Variants in AVEN observed in about 807,000 individuals in gnomAD.
AVEN encodes cell death regulator Aven.
Under a neutral mutation model 38.1 loss-of-function variants are expected in AVEN, and 41 were observed. That is an observed-to-expected ratio of 1.08 (90% CI 0.84 to 1.40). The LOEUF (loss-of-function observed/expected upper bound fraction) is 1.40. AVEN is among the 40% of genes most tolerant of loss of function. AVEN has a pLI of 0.00. For synonymous variants in AVEN, 206 were observed against 171.8 expected (o/e 1.20, Z -1.56); for missense variants, 605 against 438.8 (o/e 1.38, Z -3.38).
chr15:33,895,182 T>A (rs1303973450), intron 2 of AVEN, among the ~76,000 whole-genome samples: 1 of 152,188 alleles, frequency 6.6e-6, no homozygotes, highest in Non-Finnish European at 1.5e-5. Flanking sequence ...GACAATGTAT[T>A]TTTTAAATCA....
chr15:33,866,786 AT>A (rs1890573381), intron 5 of AVEN, 58 bp from the exon 6 acceptor site: 2 of 1,220,194 alleles, frequency 1.6e-6, no homozygotes, highest in Admixed American at 3.7e-5. Flanking sequence ...TGAAGGTATA[AT>A]TCAGCCCAAT....
At chr15:33,871,889 T>C (rs1359423595) in intron 3 of AVEN, among the ~76,000 whole-genome samples, 1 of 152,168 alleles carries the variant, frequency 6.6e-6, no homozygotes, top group Non-Finnish European at 1.5e-5. Context: ...CTGCAGTGAA[T>C]TGCTTTTAAT....
At chr15:33,862,427 G>A (rs926058140), downstream of AVEN, among the ~76,000 whole-genome samples, 3 of 151,506 alleles carry the variant, frequency 2.0e-5, no homozygotes, top group African/African-American at 4.9e-5. Context: ...GGCTGATCTC[G>A]AACTCCTGAG....
intron 5 of AVEN, among the ~76,000 whole-genome samples, chr15:34,059,103 G>A (rs1473915504): frequency 1.3e-5 from 2 of 149,378 alleles, no homozygotes; most frequent in South Asian, 2.2e-4. Flanking sequence ...CATCATGTTG[G>A]CCAGGCTGGT....
downstream of AVEN, chr15:33,865,425 C>T (rs1890176367): frequency 7.7e-6 from 4 of 516,544 alleles, no homozygotes; most frequent in Non-Finnish European, 1.4e-5. Flanking sequence ...GGGAGAGAAC[C>T]TGTCAAAATG....
At chr15:33,982,782 A>C (rs1896211069) in intron 2 of AVEN, among the ~76,000 whole-genome samples, 1 of 143,688 alleles carries the variant, frequency 7.0e-6, no homozygotes, top group Admixed American at 6.7e-5. Context: ...ATGAATCGAA[A>C]AACACATCAA....
intron 2 of AVEN, among the ~76,000 whole-genome samples, chr15:34,068,358 A>C (rs1314672711): frequency 6.6e-6 from 1 of 151,546 alleles, no homozygotes; most frequent in Admixed American, 6.6e-5. Flanking sequence ...GACGCACGCC[A>C]CCACGCCAGG....
At chr15:33,933,510 CACACACACACACACAGAGAGAGAGAGAG>C (rs1893931411) in intron 2 of AVEN, among the ~76,000 whole-genome samples, 1 of 119,152 alleles carries the variant, frequency 8.4e-6, no homozygotes, top group Non-Finnish European at 1.8e-5. Context: ...CACACACACA[CACACACACACACACAGAGAGAGAGAGAG>C]AGAGAGAGAG....
At chr15:34,023,737 T>C (rs981467965) in intron 1 of AVEN, among the ~76,000 whole-genome samples, 11 of 152,166 alleles carry the variant, frequency 7.2e-5, no homozygotes, top group African/African-American at 2.7e-4. Context: ...AGCAGTTAAA[T>C]ATTAAAAGTA....
intron 2 of AVEN, among the ~76,000 whole-genome samples, chr15:33,899,530 C>T (rs903660827): frequency 9.2e-5 from 12 of 130,602 alleles, no homozygotes; most frequent in African/African-American, 2.7e-4. Flanking sequence ...AGTGCAGTGG[C>T]GCCATCTCAG....
intron 2 of AVEN, among the ~76,000 whole-genome samples, chr15:33,943,118 C>A (rs8042756): frequency 0.3 from 45,267 of 152,018 alleles, 6,950 homozygotes; most frequent in Middle Eastern, 0.39. Flanking sequence ...GATATTTATC[C>A]AAAAGAGTTG....
chr15:33,917,552 ATGTG>A lies in AVEN; in HGVS notation c.446-41561_446-41558del, dbSNP rs1384485029. 4.6e-3 allele frequency among the ~76,000 whole-genome samples: 501 copies of A among 108,336 alleles called. 3 individuals are homozygous for A. The highest frequency in any genetic ancestry group is 0.014 in the African/African-American group (481 of 35,436). 71.1% of individuals were successfully genotyped at this position (108,336 alleles called of 152,430 possible). Reference sequence around the variant, plus strand: ...ATATATATATATATATCAATCACACATGTGTATGTATACACACACACACACACAA... The same window carrying A: ...ATATATATATATATATCAATCACACATATGTATACACACACACACACACAA... On this transcript the variant is annotated intron_variant, in intron 2 of 5. Transcript: ENST00000306730.
At chr15:33,853,764 T>C in the AVEN span, 1 of 1,527,126 alleles carries the variant, frequency 6.5e-7, no homozygotes, top group East Asian at 2.3e-5. Context: ...ATCACAACCG[T>C]GTCTTTGTTC....
intron 2 of AVEN, chr15:33,883,620 T>C (rs1000010523): frequency 6.6e-6 from 1 of 152,220 alleles, no homozygotes; most frequent in Non-Finnish European, 1.5e-5. Flanking sequence ...AATACTAATT[T>C]ATGCATAGAA....
chr15:34,039,202 A>C lies in AVEN; in HGVS notation c.-156T>G. ...GGGGCTAGGGATCGAGGCCGGCCGC[A>C]GCGGAGCGGGGCGGGGCGGGGCGGC... On this transcript the variant is annotated 5_prime_UTR_variant, in exon 1 of 6. Transcript: ENST00000306730. 1.7e-6 allele frequency: 1 copy of C among 599,208 alleles called. No homozygotes were observed. The highest frequency in any genetic ancestry group is 2.1e-6 in the Non-Finnish European group (1 of 470,292). The allele number at this position is 599,208 out of a possible 1,614,324, so 37.1% of individuals were successfully genotyped here. A position where few individuals can be genotyped will look rare whatever the true frequency, so the allele number is the denominator to read the frequency against.
intron 2 of AVEN, among the ~76,000 whole-genome samples, chr15:33,993,931 G>C (rs1002081166): frequency 6.6e-6 from 1 of 152,152 alleles, no homozygotes; most frequent in Admixed American, 6.5e-5. Flanking sequence ...ATGTTGAAAA[G>C]ATTCATCCAC....
chr15:34,073,610 T>C (rs1489086026), intron 1 of AVEN, among the ~76,000 whole-genome samples: 1 of 141,994 alleles, frequency 7.0e-6, no homozygotes, highest in Non-Finnish European at 1.5e-5. Context: ...AACTTCCGCC[T>C]CCCGGGTTCA....
chr15:33,945,886 G>A lies in AVEN; in HGVS notation c.445+57146C>T, dbSNP rs541636800. Among the ~76,000 whole-genome samples the A allele has an allele frequency of 2.8e-4, 43 of 152,202 alleles. 1 individual carries two copies. The South Asian group carries it at 7.3e-3, about 26-fold the overall frequency. On this transcript the variant is annotated intron_variant, in intron 2 of 5. Coordinates refer to ENST00000306730, the MANE Select transcript of AVEN (RefSeq NM_020371.3). ...AAGCGTGAGCCACCTCCCCTGGCCC[G>A]AAAATGTTTATTTTTAAATAATTTC...
chr15:34,066,684 G>A (rs1900519153), exon 3 of AVEN: 1 of 152,146 alleles, frequency 6.6e-6, no homozygotes, highest in Non-Finnish European at 1.5e-5. Flanking sequence ...GCATCGTAGT[G>A]TGTGCCTGTA....
Sources: allele counts gnomAD v4.1 joint callset (sites outside exome capture counted in the v4.1 genomes callset), GRCh38; gene constraint gnomAD v4.1.1; transcripts MANE v1.5; gene names NCBI Gene and HGNC (gene_info 2026-07-23, HGNC 2026-07-21).